The following FARP2 variants were observed in gnomAD, a reference collection of about 807,000 sequenced individuals.
FARP2 encodes the protein FERM, ARH/RhoGEF and pleckstrin domain protein 2.
A neutral mutation model predicts 130.5 loss-of-function variants in FARP2; 111 were observed. The observed-to-expected ratio is 0.85, with a 90% CI of 0.73 to 1.00. The LOEUF is 1.00. Among genes scored for constraint, FARP2 ranks in the 50% least tolerant of loss-of-function variants. The pLI, the probability that FARP2 is intolerant of heterozygous loss-of-function variation, is 0.00. For synonymous variants in FARP2, 504 were observed against 516.9 expected, an observed-to-expected ratio of 0.98 and a Z score of 0.34; for missense variants, 1,385 against 1,346.3, an observed-to-expected ratio of 1.03 and a Z score of -0.45.
intron 13 of FARP2, among the ~76,000 whole-genome samples, chr2:241,452,279 C>T (rs1488994970): frequency 6.6e-6 from 1 of 152,080 alleles, no homozygotes; most frequent in Non-Finnish European, 1.5e-5. Flanking sequence ...TTGGTGACTT[C>T]AGCTAAACCT....
chr2:241,443,046 G>A, intron 13 of FARP2: 1 of 210,388 alleles, frequency 4.8e-6, no homozygotes, highest in Non-Finnish European at 9.4e-6. Flanking sequence ...ATGGCCATAG[G>A]CCATGGCCTC....
chr2:241,463,964 A>C lies in FARP2; in HGVS notation c.1877A>C (p.Asn626Thr). 1 of 1,614,030 alleles carries C rather than the reference A, an allele frequency of 6.2e-7. No homozygotes were observed. The stretch of plus-strand genomic sequence containing the variant: ...CGAATCGGGGACATCCTGCTCAGGA[A>C]CATGCGCCAGTTAAAGGTAGGCTGC... ...HQRIGDILLR[N>T]MRQLKEFTSY... The change falls in exon 17 of 27, where the codon AAC becomes ACC. Residue 626 changes from asparagine to threonine, a missense_variant. Physicochemically the swap from Asn to Thr is moderately conservative, Grantham distance 65 (BLOSUM62 0). Coordinates refer to ENST00000264042, the MANE Select transcript of FARP2 (RefSeq NM_014808.4).
chr2:241,458,354 C>T (rs1406796474), intron 14 of FARP2, among the ~76,000 whole-genome samples: 10 of 152,090 alleles, frequency 6.6e-5, no homozygotes, highest in Admixed American at 4.6e-4. Flanking sequence ...TGCTTTGGCC[C>T]GAATTGGCCA....
intron 13 of FARP2, among the ~76,000 whole-genome samples, chr2:241,448,971 A>G (rs1160208518): frequency 6.6e-6 from 1 of 152,190 alleles, no homozygotes; most frequent in African/African-American, 2.4e-5. Context: ...TAAGAGATGA[A>G]CCAATACCTG....
intron 17 of FARP2, chr2:241,465,364 C>T: frequency 1.1e-6 from 1 of 913,732 alleles, no homozygotes; most frequent in Non-Finnish European, 1.8e-6. Context: ...AGGGCAGGAC[C>T]TGTTCAGGGC....
intron 12 of FARP2, among the ~76,000 whole-genome samples, chr2:241,437,884 C>A (rs2063284153): frequency 6.6e-6 from 1 of 152,088 alleles, no homozygotes. Context: ...CCAGGATGGT[C>A]TTGATCTCCT....
Position 241,366,138 on chromosome 2 carries a change from T to TATATATACACGTATATATATATAC in FARP2, c.-24-6945_-24-6944insTATATACACGTATATATATATACA, listed in dbSNP as rs1491421503. ...ATATATATACGTATATATATATATA[T>TATATATACACGTATATATATATAC]ACACACACACATATATATTTTCTTC... On this transcript the variant is annotated intron_variant, in intron 1 of 26. Transcript: ENST00000264042. Among the ~76,000 whole-genome samples the TATATATACACGTATATATATATAC allele has an allele frequency of 1.4e-4, 19 of 138,446 alleles. 2 individuals are homozygous for TATATATACACGTATATATATATAC. The South Asian group carries it at 4.5e-3, about 33-fold the overall frequency. The allele number at this position is 138,446 out of a possible 152,430, so 90.8% of individuals were successfully genotyped here.
At chr2:241,368,188 G>A (rs74000642) in intron 1 of FARP2, among the ~76,000 whole-genome samples, 3,301 of 152,212 alleles carry the variant, frequency 0.022, 144 homozygotes, top group African/African-American at 0.069. Context: ...AGGACCAAAT[G>A]TCAGTAGTGC....
intron 8 of FARP2, among the ~76,000 whole-genome samples, chr2:241,426,305 A>G (rs1275080754): frequency 6.6e-6 from 1 of 152,232 alleles, no homozygotes; most frequent in African/African-American, 2.4e-5. Context: ...AAACGAGGCA[A>G]TTAGGATTCT....
intron 13 of FARP2, chr2:241,446,027 G>A (rs2063506890): frequency 1.3e-5 from 2 of 152,116 alleles, no homozygotes; most frequent in South Asian, 2.1e-4. Flanking sequence ...TCTGCTTTAG[G>A]TAGAATATTT....
At position 241,418,065 on chromosome 2, in the gene FARP2, A is replaced by C; in HGVS notation, c.727A>C (p.Lys243Gln). The change falls in exon 8 of 27, where the codon AAG becomes CAG. Residue 243 changes from lysine (K) to glutamine (Q), a missense_variant. Coordinates refer to ENST00000264042, the MANE Select transcript of FARP2 (RefSeq NM_014808.4). ...CATGGCTTCTGACAGGGAAGGAACC[A>C]AGATTCAACTGGCAGTTTCCCACAT... ...FHMASDREGT[K>Q]IQLAVSHMGV... 1 of 1,614,220 alleles carries C rather than the reference A, an allele frequency of 6.2e-7. No individual in the cohort carries two copies. The highest frequency in any genetic ancestry group is 8.5e-7 in the Non-Finnish European group (1 of 1,180,048).
Position 241,441,369 on chromosome 2 carries a change from G to T in FARP2, c.1224G>T (p.Ser408=), listed in dbSNP as rs370662010. The change falls in exon 13 of 27, where the codon TCG becomes TCT. Residue 408 remains serine, a synonymous_variant. Coordinates refer to ENST00000264042, the MANE Select transcript of FARP2 (RefSeq NM_014808.4). ...CATCTTCAGCGAATGCCTTTTACTC[G>T]CTCTCTCCCTCCACTCTGGTCCCCT... ...ASPSSANAFY[S]LSPSTLVPSG... 5.0e-6 allele frequency: 8 copies of T among 1,613,858 alleles called. No homozygotes were observed. Among genetic ancestry groups the T allele is most frequent in the Non-Finnish European group, 5.9e-6 (7 of 1,179,884 alleles).
At chr2:241,465,621 C>G in intron 17 of FARP2, 1 of 1,550,780 alleles carries the variant, frequency 6.4e-7, no homozygotes, top group Non-Finnish European at 8.7e-7. Flanking sequence ...ATTGACTGTT[C>G]AGGGGTCTCA....
At chr2:241,447,686 T>A (rs2150429956) in intron 13 of FARP2, among the ~76,000 whole-genome samples, 1 of 152,304 alleles carries the variant, frequency 6.6e-6, no homozygotes, top group South Asian at 2.1e-4. Context: ...TGGGCAAGGC[T>A]TTATTCCACT....
chr2:241,408,906 C>A (rs1350479272), intron 5 of FARP2, among the ~76,000 whole-genome samples: 2 of 152,046 alleles, frequency 1.3e-5, no homozygotes, highest in African/African-American at 4.8e-5. Context: ...GTTTAGGAAA[C>A]TCCAAAGATG....
intron 1 of FARP2, chr2:241,372,425 A>G (rs1044834117): frequency 9.9e-5 from 15 of 152,198 alleles, no homozygotes; most frequent in African/African-American, 3.6e-4. Context: ...CACCCTGGCG[A>G]GACACGTTAG....
At chr2:241,407,087 C>A (rs529924738) in intron 4 of FARP2, among the ~76,000 whole-genome samples, 3 of 152,248 alleles carry the variant, frequency 2.0e-5, no homozygotes, top group South Asian at 4.1e-4. Flanking sequence ...GGATTACAGG[C>A]GTGAGCCACC....
intron 19 of FARP2, chr2:241,478,745 C>T (rs541439180): frequency 7.9e-5 from 35 of 441,646 alleles, no homozygotes; most frequent in Non-Finnish European, 1.4e-4. Flanking sequence ...ATCACAGGTG[C>T]CCATGAAGCA....
intron 9 of FARP2, among the ~76,000 whole-genome samples, chr2:241,433,782 T>C (rs1223474676): frequency 6.6e-6 from 1 of 152,214 alleles, no homozygotes; most frequent in East Asian, 1.9e-4. Flanking sequence ...TCCCAGTACC[T>C]TGGGAGGCTG....
Sources: allele counts gnomAD v4.1 joint callset (sites outside exome capture counted in the v4.1 genomes callset), GRCh38; gene constraint gnomAD v4.1.1; transcripts MANE v1.5; gene names NCBI Gene and HGNC (gene_info 2026-07-23, HGNC 2026-07-21).